Variants in APC2 observed in about 807,000 individuals in gnomAD.
The protein encoded by APC2 is adenomatous polyposis coli protein 2.
A neutral mutation model predicts 72.5 loss-of-function variants in APC2; 41 were observed. That is an observed-to-expected ratio of 0.57 (90% CI 0.44 to 0.73). The LOEUF (loss-of-function observed/expected upper bound fraction) is 0.73, where lower values mean the gene tolerates loss of function less well. Among genes scored for constraint, APC2 ranks in the 30% least tolerant of loss-of-function variants. APC2 has a pLI of 0.00. For synonymous variants in APC2, 1,898 were observed against 1,612.0 expected, an observed-to-expected ratio of 1.18 and a Z score of -4.25; for missense variants, 3,729 against 3,403.4, an observed-to-expected ratio of 1.10 and a Z score of -2.38.
In APC2 at chr19:1,468,998, C is replaced by T. The variant is rs1377232395; in HGVS notation, c.5697C>T (p.Ala1899=). 6 of 1,556,712 alleles carry T rather than the reference C, an allele frequency of 3.9e-6. No individual in the cohort carries two copies. The highest frequency in any genetic ancestry group is 1.4e-5 in the African/African-American group (1 of 71,310). ...KRPPVTQAAG[A]LPGPGASPVP... is the part of the protein sequence containing the mutation. Reference sequence around the variant, plus strand: ...CCCCGGTCACCCAGGCTGCTGGGGCCCTGCCCGGCCCCGGAGCCTCCCCGG... The same window carrying T: ...CCCCGGTCACCCAGGCTGCTGGGGCTCTGCCCGGCCCCGGAGCCTCCCCGG... Residue 1899 remains alanine, a synonymous_variant, in exon 15 of 15, where the codon GCC becomes GCT. Transcript: ENST00000590469.
At chr19:1,463,634 C>T (rs1030021301) in intron 14 of APC2, among the ~76,000 whole-genome samples, 2 of 151,288 alleles carry the variant, frequency 1.3e-5, no homozygotes, top group Non-Finnish European at 2.9e-5. Flanking sequence ...CATGTAGTTC[C>T]AGCTACTTAG....
At chr19:1,448,583 C>T (rs1275455722), upstream of APC2, among the ~76,000 whole-genome samples, 4 of 145,948 alleles carry the variant, frequency 2.7e-5, no homozygotes, top group African/African-American at 1.0e-4. Context: ...TGGTGGTTCA[C>T]GCCTGTAATC....
rs1228783640 is a variant in APC2 at position 1,468,606 on chromosome 19, G to A, written c.5305G>A (p.Ala1769Thr). The A allele has an allele frequency of 1.9e-6, 3 of 1,601,372 alleles. No homozygotes were observed. Among genetic ancestry groups the A allele is most frequent in the Non-Finnish European group, 2.6e-6 (3 of 1,172,674 alleles). The change falls in exon 15 of 15, where the codon GCA becomes ACA. Residue 1769 changes from alanine (A) to threonine (T), a missense_variant. Ala to Thr is a moderately conservative substitution (Grantham distance 58). Transcript: ENST00000590469. ...VKTSGSPRSPAGPEKPRGTQK... is the reference protein window; with the variant it reads ...VKTSGSPRSPTGPEKPRGTQK... The stretch of plus-strand genomic sequence containing the variant: ...GACCAGCGGGAGCCCCCGTTCCCCT[G>A]CAGGCCCCGAGAAGCCACGTGGCAC...
intron 14 of APC2, 140 bp from the exon 15 acceptor site, chr19:1,465,015 C>A: frequency 1.2e-6 from 1 of 802,206 alleles, no homozygotes; most frequent in East Asian, 2.9e-5. Context: ...TTGGGATATA[C>A]TTATACCAAA....
In APC2 at chr19:1,468,200, C is replaced by G; in HGVS notation, c.4899C>G (p.Ile1633Met). ...RAAEELLQRC[I>M]SSALPRRRPP... ...CGGAGGAGCTTCTGCAGCGGTGCAT[C>G]AGCTCGGCCCTGCCCAGGCGCCGGC... Residue 1633 changes from isoleucine (I) to methionine (M), a missense_variant, in exon 15 of 15, where the codon ATC (isoleucine) becomes ATG (methionine). Transcript: ENST00000590469. 1.4e-6 allele frequency: 2 copies of G among 1,463,160 alleles called. No homozygotes were observed. Among genetic ancestry groups the G allele is most frequent in the Non-Finnish European group, 1.8e-6 (2 of 1,116,960 alleles). 90.6% of individuals were successfully genotyped at this position (1,463,160 alleles called of 1,614,324 possible).
At chr19:1,457,943 G>A (rs1177953198) in intron 9 of APC2, 22 bp from the exon 10 acceptor site, 1 of 1,537,228 alleles carries the variant, frequency 6.5e-7, no homozygotes, top group Non-Finnish European at 8.8e-7. Flanking sequence ...TGGGGGCTCT[G>A]ATCTGGTCCC....
At position 1,458,413 on chromosome 19, in the gene APC2, T is replaced by A. The variant is rs928233246; in HGVS notation, c.1303+353T>A. 6 of 246,770 alleles carry A rather than the reference T, an allele frequency of 2.4e-5. No homozygotes were observed. In the East Asian group the frequency reaches 5.7e-4, roughly 24 times the overall value. The allele number at this position is 246,770 out of a possible 1,614,324, so 15.3% of individuals were successfully genotyped here. A position where few individuals can be genotyped will look rare whatever the true frequency, so the allele number is the denominator to read the frequency against. On this transcript the variant is annotated intron_variant, in intron 10 of 14. Coordinates refer to ENST00000590469, the MANE Select transcript of APC2 (RefSeq NM_005883.3). ...GGGGGTGTTTTACGTTTGAGGACAT[T>A]GCAACATCTTCTCTTTGTCAATATA...
At chr19:1,462,275 G>C (rs916334277) in intron 14 of APC2, 98 bp downstream of exon 14, 56 of 1,136,358 alleles carry the variant, frequency 4.9e-5, no homozygotes, top group Admixed American at 9.9e-5. Context: ...ATGCTCCCAA[G>C]GCTTCCCCAG....
intron 1 of APC2, 47 bp downstream of exon 1, chr19:1,450,385 G>T: frequency 2.0e-6 from 2 of 983,050 alleles, no homozygotes; most frequent in Non-Finnish European, 2.4e-6. Flanking sequence ...TCCGCCTCGC[G>T]TCGAGGTTTC....
chr19:1,455,975 G>A, intron 6 of APC2, 101 bp from the exon 7 acceptor site: 1 of 1,248,468 alleles, frequency 8.0e-7, no homozygotes, highest in Non-Finnish European at 1.1e-6. Flanking sequence ...ATCAGGAAGA[G>A]GCGGGGTCAG....
rs770373100 is a variant in APC2, at chr19:1,465,492, G to A, written c.2191G>A (p.Asp731Asn). 1.4e-5 allele frequency: 22 copies of A among 1,526,696 alleles called. No individual in the cohort carries two copies. The highest frequency in any genetic ancestry group is 1.8e-5 in the Non-Finnish European group (20 of 1,140,598). 94.6% of individuals were successfully genotyped at this position (1,526,696 alleles called of 1,614,324 possible). A position where few individuals can be genotyped will look rare whatever the true frequency, so the allele number is the denominator to read the frequency against. ...GCAGCGGGCGCTGGAGGCCGAGCTG[G>A]ACGCACGGCACCTCGCGCAGGCGCT... ...RKQRALEAEL[D>N]ARHLAQALEH... The change falls in exon 15 of 15, where the codon GAC becomes AAC. Residue 731 changes from aspartate (D) to asparagine (N), a missense_variant. By Grantham distance (23) the Asp-to-Asn change is conservative. Transcript: ENST00000590469.
At chr19:1,461,662 C>G (rs1050978475) in intron 13 of APC2, 4 of 402,490 alleles carry the variant, frequency 9.9e-6, no homozygotes, top group Non-Finnish European at 1.8e-5. Context: ...ACCATCCTGG[C>G]TAACACGGTG....
chr19:1,455,292 C>A (rs768840660), intron 5 of APC2, 35 bp downstream of exon 5: 2 of 1,574,094 alleles, frequency 1.3e-6, no homozygotes, highest in Non-Finnish European at 8.6e-7. Context: ...GCAGCGCGCC[C>A]GCCCCACTCA....
chr19:1,464,321 AATT>A (rs2083971239), intron 14 of APC2, among the ~76,000 whole-genome samples: 1 of 152,140 alleles, frequency 6.6e-6, no homozygotes, highest in African/African-American at 2.4e-5. Flanking sequence ...GAAAAAAAAA[AATT>A]ATTAAAATAA....
At position 1,465,436 on chromosome 19, in the gene APC2, G is replaced by C. The variant is rs758427526; in HGVS notation, c.2135G>C (p.Gly712Ala). Residue 712 changes from glycine (G) to alanine (A), a missense_variant, in exon 15 of 15, where the codon GGC (glycine) becomes GCC (alanine). Transcript: ENST00000590469. ...HQAAATAVSPGSCVPSLYVRK... is the reference protein window; with the variant it reads ...HQAAATAVSPASCVPSLYVRK... ...GCGGCCGCCACCGCCGTGTCCCCAGGCAGCTGCGTGCCCAGCCTGTACGTG... is the reference window on the plus strand; with the variant it reads ...GCGGCCGCCACCGCCGTGTCCCCAGCCAGCTGCGTGCCCAGCCTGTACGTG... 6.5e-7 allele frequency: 1 copy of C among 1,540,798 alleles called. No individual in the cohort carries two copies. Among genetic ancestry groups the C allele is most frequent in the Non-Finnish European group, 8.7e-7 (1 of 1,149,980 alleles).
chr19:1,459,226 A>G (rs2083886725), intron 10 of APC2, among the ~76,000 whole-genome samples: 1 of 152,080 alleles, frequency 6.6e-6, no homozygotes, highest in Non-Finnish European at 1.5e-5. Flanking sequence ...TTTGAGACAG[A>G]CAGGGTCTTG....
chr19:1,465,261 GC>G lies in APC2; in HGVS notation c.1963del (p.Arg655AlafsTer28). ...NACGTLWNLS[A>X]RSARDQELLW... ...GTGCGGCACGCTCTGGAACCTGTCGGCCCGCAGCGCCCGTGACCAGGAGCTG... is the reference window on the plus strand; with the variant it reads ...GTGCGGCACGCTCTGGAACCTGTCGGCCGCAGCGCCCGTGACCAGGAGCTG... On this transcript the variant is annotated frameshift_variant, in exon 15 of 15. Coordinates refer to ENST00000590469, the MANE Select transcript of APC2 (RefSeq NM_005883.3). LOFTEE classifies it low-confidence loss of function (END_TRUNC). 1.9e-6 allele frequency: 3 copies of G among 1,607,338 alleles called. No individual in the cohort carries two copies. The highest frequency in any genetic ancestry group is 2.5e-6 in the Non-Finnish European group (3 of 1,179,270).
In APC2 at chr19:1,467,352, G is replaced by A. The variant is rs1377063487; in HGVS notation, c.4051G>A (p.Val1351Met). ...ELLRECLGAA[V>M]PARLRKVASA... ...GCTGCGGGAGTGCCTGGGAGCCGCC[G>A]TGCCTGCCCGGCTGCGCAAGGTGGC... Residue 1351 changes from valine to methionine, a missense_variant, in exon 15 of 15, where the codon GTG (valine) becomes ATG (methionine). By Grantham distance (21) the Val-to-Met change is conservative. Transcript: ENST00000590469. 3.3e-5 allele frequency: 48 copies of A among 1,459,470 alleles called. No homozygotes were observed. Among genetic ancestry groups the A allele is most frequent in the Non-Finnish European group, 4.1e-5 (46 of 1,109,962 alleles). 90.4% of individuals were successfully genotyped at this position (1,459,470 alleles called of 1,614,324 possible). A position where few individuals can be genotyped will look rare whatever the true frequency, so the allele number is the denominator to read the frequency against.
Position 1,470,251 on chromosome 19 carries a change from C to T in APC2, c.*38C>T, listed in dbSNP as rs372275727. ...GCCTTCTGGAACGTTCTCTCCCGGC[C>T]CTGCGGCGCGGTCTGGCTGCCCCAT... On this transcript the variant is annotated 3_prime_UTR_variant, in exon 15 of 15. Coordinates refer to ENST00000590469, the MANE Select transcript of APC2 (RefSeq NM_005883.3). The T allele has an allele frequency of 2.0e-6, 3 of 1,530,160 alleles. No individual in the cohort carries two copies. The highest frequency in any genetic ancestry group is 2.5e-5 in the East Asian group (1 of 40,650). 94.8% of individuals were successfully genotyped at this position (1,530,160 alleles called of 1,614,324 possible). A position where few individuals can be genotyped will look rare whatever the true frequency, so the allele number is the denominator to read the frequency against.
Sources: allele counts gnomAD v4.1 joint callset (sites outside exome capture counted in the v4.1 genomes callset), GRCh38; gene constraint gnomAD v4.1.1; transcripts MANE v1.5; gene names NCBI Gene and HGNC (gene_info 2026-07-23, HGNC 2026-07-21).